The following RBCK1 variants were observed in gnomAD, a reference collection of about 807,000 sequenced individuals.
RBCK1 encodes ranBP-type and C3HC4-type zinc finger-containing protein 1.
A neutral mutation model predicts 71.1 loss-of-function variants in RBCK1; 44 were observed. That is an observed-to-expected ratio of 0.62 (90% CI 0.49 to 0.80). The LOEUF is 0.80. RBCK1 is among the 30% of genes least tolerant of loss of function. The pLI, the probability that RBCK1 is intolerant of heterozygous loss-of-function variation, is 0.00. For missense variants in RBCK1, 569 were observed against 685.0 expected, an observed-to-expected ratio of 0.83 and a Z score of 1.89; for synonymous variants, 306 against 279.7, an observed-to-expected ratio of 1.09 and a Z score of -0.94.
Position 419,327 on chromosome 20 carries a change from C to T in RBCK1, c.461-20C>T. The T allele has an allele frequency of 6.2e-7, 1 of 1,611,336 alleles. No homozygotes were observed. The highest frequency in any genetic ancestry group is 1.1e-5 in the South Asian group (1 of 91,004). ...CAAGTGGGCCGCGTGGAACCACCACCCTTTAACCCTCCTCCACAGATCTGG... is the reference window on the plus strand; with the variant it reads ...CAAGTGGGCCGCGTGGAACCACCACTCTTTAACCCTCCTCCACAGATCTGG... On this transcript the variant is annotated intron_variant, in intron 4 of 11. Transcript: ENST00000356286.
Position 422,202 on chromosome 20 carries a change from G to A in RBCK1, c.993G>A (p.Ser331=), listed in dbSNP as rs750664557. Residue 331 remains serine (S), a synonymous_variant, in exon 8 of 12, where the codon TCG becomes TCA. Coordinates refer to ENST00000356286, the MANE Select transcript of RBCK1 (RefSeq NM_031229.4). This position sits in a 1 kb window ranked among gnomAD's most constrained non-coding sequence, Gnocchi z 5.0. ...GCCCCTTCATTGACAACACCTACTC[G>A]TGCTCGGGCAAGCTGCTGGAGAGGG... ...VSCPFIDNTY[S]CSGKLLEREI... 3.0e-5 allele frequency: 48 copies of A among 1,613,308 alleles called. No individual in the cohort carries two copies. Among genetic ancestry groups the A allele is most frequent in the East Asian group, 4.5e-5 (2 of 44,894 alleles).
chr20:413,854 C>T (rs751677840), intron 2 of RBCK1, among the ~76,000 whole-genome samples: 11 of 148,226 alleles, frequency 7.4e-5, no homozygotes, highest in Non-Finnish European at 1.0e-4. Flanking sequence ...AAAACATGAG[C>T]GCTGAAAGAG....
chr20:429,132 T>G (rs928346887), intron 11 of RBCK1, 38 bp downstream of exon 11: 1 of 1,581,084 alleles, frequency 6.3e-7, no homozygotes, highest in Non-Finnish European at 8.6e-7. Context: ...GAGGGTGCCC[T>G]TGTGGGCTTT....
At chr20:419,097 G>C (rs1485743517) in intron 4 of RBCK1, among the ~76,000 whole-genome samples, 1 of 152,224 alleles carries the variant, frequency 6.6e-6, no homozygotes, top group Non-Finnish European at 1.5e-5. Flanking sequence ...TCCTTCAGGA[G>C]GCACGGAAGG....
At position 430,247 on chromosome 20, in the gene RBCK1, A is replaced by C; in HGVS notation, c.1453-103A>C. The stretch of plus-strand genomic sequence containing the variant: ...CTGAGGCTGACCAGGCCATTCTTGC[A>C]GGAGGACCTGCAGAGGCAAAGGCCC... On this transcript the variant is annotated intron_variant, in intron 11 of 11. Coordinates refer to ENST00000356286, the MANE Select transcript of RBCK1 (RefSeq NM_031229.4). This position sits in a 1 kb window ranked among gnomAD's most constrained non-coding sequence, Gnocchi z 5.6. 1 of 1,011,292 alleles carries C rather than the reference A, an allele frequency of 9.9e-7. No homozygotes were observed. 62.6% of individuals were successfully genotyped at this position (1,011,292 alleles called of 1,614,324 possible).
In RBCK1 at chr20:417,052, G is replaced by A. The variant is rs1452323936; in HGVS notation, c.168-474G>A. Among the ~76,000 whole-genome samples the A allele has an allele frequency of 6.6e-6, 1 of 152,190 alleles. No homozygotes were observed. The highest frequency in any genetic ancestry group is 2.4e-5 in the African/African-American group (1 of 41,442). ...TAACAGTTATTAGTTGCTTAGTTTG[G>A]CAGAGTCACTGGAACCTATCTGTGC... On this transcript the variant is annotated intron_variant, in intron 2 of 11. Coordinates refer to ENST00000356286, the MANE Select transcript of RBCK1 (RefSeq NM_031229.4). This position sits in a 1 kb window ranked among gnomAD's most constrained non-coding sequence, Gnocchi z 4.7.
intron 6 of RBCK1, 42 bp downstream of exon 6, chr20:419,773 G>C: frequency 6.6e-7 from 1 of 1,519,352 alleles, no homozygotes; most frequent in Non-Finnish European, 8.8e-7. Flanking sequence ...CAGACCGCAC[G>C]GGGGAGGTGT....
rs907036761 is a variant in RBCK1, at chr20:428,813, T to C, written c.1309-138T>C. On this transcript the variant is annotated intron_variant, in intron 10 of 11. Coordinates refer to ENST00000356286, the MANE Select transcript of RBCK1 (RefSeq NM_031229.4). The surrounding 1 kb of genome is among the most constrained non-coding windows in gnomAD (Gnocchi z 5.7). ...CAGGAATGAAGAGGGGGTTGCTGGATGGAGCCTGGCCTGGCAGAGCCACAC... is the reference window on the plus strand; with the variant it reads ...CAGGAATGAAGAGGGGGTTGCTGGACGGAGCCTGGCCTGGCAGAGCCACAC... The C allele has an allele frequency of 1.5e-5, 21 of 1,434,790 alleles. No homozygotes were observed. The African/African-American group carries it at 2.9e-4, about 20-fold the overall frequency. 88.9% of individuals were successfully genotyped at this position (1,434,790 alleles called of 1,614,324 possible).
chr20:413,145 T>C (rs762902250), intron 2 of RBCK1, among the ~76,000 whole-genome samples: 1 of 152,230 alleles, frequency 6.6e-6, no homozygotes, highest in Non-Finnish European at 1.5e-5. Context: ...AACTATAATA[T>C]ATATCTGCCC....
rs977092782 is a variant in RBCK1, at chr20:430,004, C to T, written c.1453-346C>T. On this transcript the variant is annotated intron_variant, in intron 11 of 11. Transcript: ENST00000356286. This position sits in a 1 kb window ranked among gnomAD's most constrained non-coding sequence, Gnocchi z 5.6. ...GAGCACCCTTGCAGATGGTAGCTGTCGTTATTAGGGGTGTGCTCTGGAATT... is the reference window on the plus strand; with the variant it reads ...GAGCACCCTTGCAGATGGTAGCTGTTGTTATTAGGGGTGTGCTCTGGAATT... Among the ~76,000 whole-genome samples, 3 of 152,164 alleles carry T rather than the reference C, an allele frequency of 2.0e-5. No individual in the cohort carries two copies. Among genetic ancestry groups the T allele is most frequent in the African/African-American group, 4.8e-5 (2 of 41,448 alleles).
intron 8 of RBCK1, among the ~76,000 whole-genome samples, chr20:425,007 A>ATT (rs111583781): frequency 2.1e-5 from 3 of 146,234 alleles, no homozygotes; most frequent in African/African-American, 2.5e-5. Flanking sequence ...CTCTGGGCAA[A>ATT]TTTTTTTTTT....
chr20:418,857 GT>G, intron 4 of RBCK1, among the ~76,000 whole-genome samples: 1 of 152,184 alleles, frequency 6.6e-6, no homozygotes, highest in South Asian at 2.1e-4. Context: ...CGCTGATACA[GT>G]ACTGGTATCC....
intron 7 of RBCK1, among the ~76,000 whole-genome samples, chr20:421,724 G>T (rs138707764): frequency 6.6e-6 from 1 of 152,112 alleles, no homozygotes; most frequent in Non-Finnish European, 1.5e-5. Context: ...AGGGATGAAG[G>T]GGGTAATCAG....
chr20:413,222 A>G (rs533107699), intron 2 of RBCK1, among the ~76,000 whole-genome samples: 1 of 152,314 alleles, frequency 6.6e-6, no homozygotes, highest in East Asian at 1.9e-4. Flanking sequence ...CAAGTTCTCC[A>G]ACTTTTGTTC....
At position 417,969 on chromosome 20, in the gene RBCK1, G is replaced by T; in HGVS notation, c.460+39G>T. On this transcript the variant is annotated intron_variant, in intron 4 of 11. Coordinates refer to ENST00000356286, the MANE Select transcript of RBCK1 (RefSeq NM_031229.4). The surrounding 1 kb of genome is among the most constrained non-coding windows in gnomAD (Gnocchi z 4.7). The stretch of plus-strand genomic sequence containing the variant: ...CTGAGCACCGCCGGACCCAGCGGGG[G>T]CCCTGGACTCACTTGAGGGCATAGG... The T allele has an allele frequency of 6.4e-7, 1 of 1,574,664 alleles. No individual in the cohort carries two copies. The highest frequency in any genetic ancestry group is 1.1e-5 in the South Asian group (1 of 88,622).
chr20:426,816 CTTTTTTTTTTTTTTTT>C (rs768525416), intron 8 of RBCK1, among the ~76,000 whole-genome samples: 1 of 95,476 alleles, frequency 1.0e-5, no homozygotes, highest in South Asian at 3.6e-4. Flanking sequence ...TTTTCTTTTC[CTTTTTTTTTTTTTTTT>C]TTTTTTTTTT....
chr20:422,839 GA>G lies in RBCK1; in HGVS notation c.1029+611del, dbSNP rs879457778. 3.6e-4 allele frequency among the ~76,000 whole-genome samples: 53 copies of G among 147,636 alleles called. No homozygotes were observed. Among genetic ancestry groups the G allele is most frequent in the Non-Finnish European group, 5.4e-4 (36 of 66,528 alleles). ...AGAGTGAGACCTTGCCTCAAAAAAA[GA>G]AAAAAAAAATTAGTCAGGGAACTCT... On this transcript the variant is annotated intron_variant, in intron 8 of 11. Coordinates refer to ENST00000356286, the MANE Select transcript of RBCK1 (RefSeq NM_031229.4). The surrounding 1 kb of genome is among the most constrained non-coding windows in gnomAD (Gnocchi z 5.0).
At chr20:418,847 C>T (rs976854760) in intron 4 of RBCK1, among the ~76,000 whole-genome samples, 2 of 152,224 alleles carry the variant, frequency 1.3e-5, no homozygotes, top group African/African-American at 2.4e-5. Context: ...AGGAAACTAA[C>T]GCTGATACAG....
chr20:417,603 C>T lies in RBCK1; in HGVS notation c.245C>T (p.Ala82Val), dbSNP rs544518686. 2.4e-5 allele frequency: 38 copies of T among 1,613,926 alleles called. 1 individual carries two copies. The highest frequency in any genetic ancestry group is 2.1e-4 in the South Asian group (19 of 91,080). ...ACAGTGCGCCCTGATATGACAGTGG[C>T]GTCTCTCAAGGACATGGTGAGTGAG... ...WLTVRPDMTV[A>V]SLKDMVFLDY... Residue 82 changes from alanine (A) to valine (V), a missense_variant, in exon 3 of 12, where the codon GCG becomes GTG. By Grantham distance (64) the Ala-to-Val change is moderately conservative (BLOSUM62 0). Transcript: ENST00000356286. The surrounding 1 kb of genome is among the most constrained non-coding windows in gnomAD (Gnocchi z 4.7).
Sources: allele counts gnomAD v4.1 joint callset (sites outside exome capture counted in the v4.1 genomes callset), GRCh38; gene constraint gnomAD v4.1.1; non-coding constraint Gnocchi (gnomAD v3.1); transcripts MANE v1.5; gene names NCBI Gene and HGNC (gene_info 2026-07-23, HGNC 2026-07-21).